Variants in HLF observed in about 807,000 individuals in gnomAD.
HLF encodes the protein HLF transcription factor, PAR bZIP family member.
Under a neutral mutation model 22.6 loss-of-function variants are expected in HLF, and 3 were observed. The ratio of observed to expected loss-of-function variants is 0.13; its 90% confidence interval spans 0.06 to 0.34. HLF has a LOEUF of 0.34. Among genes scored for constraint, HLF ranks in the 10% least tolerant of loss-of-function variants. The probability of loss-of-function intolerance (pLI) is 1.00; values close to 1 mark genes in which losing one functional copy is unlikely to be tolerated. For synonymous variants in HLF, 151 were observed against 151.8 expected, an observed-to-expected ratio of 0.99 and a Z score of 0.04; for missense variants, 299 against 389.2, an observed-to-expected ratio of 0.77 and a Z score of 1.95.
At chr17:55,267,020 C>A (rs561324669) in intron 1 of HLF, among the ~76,000 whole-genome samples, 53 of 152,208 alleles carry the variant, frequency 3.5e-4, no homozygotes, top group Non-Finnish European at 5.9e-4. Flanking sequence ...TTTTTAAACT[C>A]CTTTTGTAAA....
chr17:55,288,512 C>T lies in HLF; in HGVS notation c.451+20426C>T, dbSNP rs113272058. Among the ~76,000 whole-genome samples, 1,195 of 152,160 alleles carry T rather than the reference C, an allele frequency of 7.9e-3. 13 individuals carry two copies. Among genetic ancestry groups the T allele is most frequent in the African/African-American group, 0.024 (996 of 41,538 alleles). On this transcript the variant is annotated intron_variant, in intron 2 of 3. Coordinates refer to ENST00000226067, the MANE Select transcript of HLF (RefSeq NM_002126.5). Reference sequence around the variant, plus strand: ...ATGCCATGGCTCACGCCTATAATCCCGGCACTTTGGGAGGCCAAGGCAGGT... The same window carrying T: ...ATGCCATGGCTCACGCCTATAATCCTGGCACTTTGGGAGGCCAAGGCAGGT...
chr17:55,309,546 T>C (rs1172172939), intron 2 of HLF, among the ~76,000 whole-genome samples: 1 of 152,106 alleles, frequency 6.6e-6, no homozygotes, highest in Non-Finnish European at 1.5e-5. Flanking sequence ...GAACAGACCC[T>C]AAACTGGTGA....
At chr17:55,300,897 A>G (rs1598402764) in intron 2 of HLF, among the ~76,000 whole-genome samples, 1 of 151,722 alleles carries the variant, frequency 6.6e-6, no homozygotes, top group African/African-American at 2.4e-5. Flanking sequence ...AACATCTAAG[A>G]CCCTTCTGTG....
chr17:55,277,102 A>G (rs2080910358), intron 2 of HLF, among the ~76,000 whole-genome samples: 1 of 152,202 alleles, frequency 6.6e-6, no homozygotes, highest in African/African-American at 2.4e-5. Context: ...TAAAAGTCCA[A>G]AAGCAGGCCT....
chr17:55,293,072 A>G (rs920373184), intron 2 of HLF, among the ~76,000 whole-genome samples: 6 of 152,220 alleles, frequency 3.9e-5, no homozygotes, highest in African/African-American at 1.4e-4. Flanking sequence ...CAAGTGTTCA[A>G]TAGCTACAGT....
chr17:55,283,441 G>A (rs1014398475), intron 2 of HLF: 17 of 152,322 alleles, frequency 1.1e-4, no homozygotes, highest in African/African-American at 4.1e-4. Flanking sequence ...GGTGTTTGCT[G>A]TCCTGCCAGA....
At chr17:55,272,006 T>C (rs1368511169) in intron 2 of HLF, 1 of 152,240 alleles carries the variant, frequency 6.6e-6, no homozygotes. Context: ...TTGTGGCTAT[T>C]GTGGGATCAC....
chr17:55,320,735 G>A lies in HLF; in HGVS notation c.744G>A (p.Leu248=), dbSNP rs746458784. 3.1e-6 allele frequency: 5 copies of A among 1,614,082 alleles called. No homozygotes were observed. Among genetic ancestry groups the A allele is most frequent in the Admixed American group, 1.7e-5 (1 of 60,012 alleles). ...AAKRSRDARR[L]KENQIAIRAS... is the part of the protein sequence containing the mutation. The stretch of plus-strand genomic sequence containing the variant: ...AGCGCTCCCGCGACGCCCGGAGGCT[G>A]AAAGAGAACCAGATCGCCATCCGGG... The change falls in exon 4 of 4, where the codon CTG becomes CTA. Residue 248 remains leucine (L), a synonymous_variant. Transcript: ENST00000226067. The surrounding 1 kb of genome is among the most constrained non-coding windows in gnomAD (Gnocchi z 4.2).
intron 2 of HLF, among the ~76,000 whole-genome samples, chr17:55,297,620 G>T (rs2081121230): frequency 6.6e-6 from 1 of 151,130 alleles, no homozygotes. Context: ...GCCATGACTT[G>T]TCACCCTCTG....
At chr17:55,308,793 G>A (rs1431083221) in intron 2 of HLF, among the ~76,000 whole-genome samples, 1 of 152,282 alleles carries the variant, frequency 6.6e-6, no homozygotes, top group East Asian at 1.9e-4. Flanking sequence ...GAAACTCACC[G>A]TACACAAATA....
In HLF at chr17:55,306,613, T is replaced by C. The variant is rs1052355353; in HGVS notation, c.452-8614T>C. Among the ~76,000 whole-genome samples, 4 of 151,510 alleles carry C rather than the reference T, an allele frequency of 2.6e-5. 1 individual carries two copies. Among genetic ancestry groups the C allele is most frequent in the African/African-American group, 9.7e-5 (4 of 41,218 alleles). ...GTGTATGCATGATTTGTTTTTGCCT[T>C]AAAATTAGTACATCAACCGTGTAAT... On this transcript the variant is annotated intron_variant, in intron 2 of 3. Transcript: ENST00000226067.
rs1183871817 is a variant in HLF at position 55,320,860 on chromosome 17, C to T, written c.869C>T (p.Ala290Val). 6.2e-7 allele frequency: 1 copy of T among 1,612,260 alleles called. No homozygotes were observed. Among genetic ancestry groups the T allele is most frequent in the African/African-American group, 1.3e-5 (1 of 74,890 alleles). ...AAGAACATACTTGCCAAGTATGAGGCCAGGCACGGGCCCCTGTAGGATGGC... is the reference window on the plus strand; with the variant it reads ...AAGAACATACTTGCCAAGTATGAGGTCAGGCACGGGCCCCTGTAGGATGGC... ...KCKNILAKYE[A>V]RHGPL Residue 290 changes from alanine to valine, a missense_variant, in exon 4 of 4, where the codon GCC becomes GTC. Physicochemically the swap from Ala to Val is moderately conservative, Grantham distance 64. This residue lies in a region of HLF where 224 missense variants were observed against 298.1 expected (regional missense o/e 0.75). Transcript: ENST00000226067. This position sits in a 1 kb window ranked among gnomAD's most constrained non-coding sequence, Gnocchi z 4.2.
At chr17:55,317,368 A>G (rs1391848872) in intron 3 of HLF, among the ~76,000 whole-genome samples, 1 of 152,184 alleles carries the variant, frequency 6.6e-6, no homozygotes, top group African/African-American at 2.4e-5. Flanking sequence ...GGATGCTGCT[A>G]TGAGTGATAG....
chr17:55,268,611 A>G (rs1175773703), intron 2 of HLF, among the ~76,000 whole-genome samples: 1 of 151,880 alleles, frequency 6.6e-6, no homozygotes, highest in East Asian at 1.9e-4. Flanking sequence ...CATCCTTTTC[A>G]TCTTGTTTTG....
chr17:55,321,061 G>T lies in HLF; in HGVS notation c.*182G>T. 3 of 590,564 alleles carry T rather than the reference G, an allele frequency of 5.1e-6. No individual in the cohort carries two copies. The South Asian group carries it at 6.0e-5, about 12-fold the overall frequency. The allele number at this position is 590,564 out of a possible 1,614,324, so 36.6% of individuals were successfully genotyped here. A position where few individuals can be genotyped will look rare whatever the true frequency, so the allele number is the denominator to read the frequency against. ...TATATGTGCTTGTGCTCATGTGTGT[G>T]GTCAGCGGTATGTGCGTGTGCGTGT... is the stretch of plus-strand genomic sequence containing the variant. On this transcript the variant is annotated 3_prime_UTR_variant, in exon 4 of 4. Coordinates refer to ENST00000226067, the MANE Select transcript of HLF (RefSeq NM_002126.5).
At chr17:55,305,945 C>G (rs1904527791) in intron 2 of HLF, among the ~76,000 whole-genome samples, 1 of 152,214 alleles carries the variant, frequency 6.6e-6, no homozygotes, top group Non-Finnish European at 1.5e-5. Flanking sequence ...TTGTCTTAAG[C>G]TTTCTGTTTT....
intron 2 of HLF, among the ~76,000 whole-genome samples, chr17:55,277,742 A>G (rs2080918898): frequency 6.6e-6 from 1 of 152,152 alleles, no homozygotes; most frequent in Non-Finnish European, 1.5e-5. Context: ...GCCATAACCC[A>G]ATCTAGTTCA....
rs567759534 is a variant in HLF at position 55,321,191 on chromosome 17, C to G, written c.*312C>G. Reference sequence around the variant, plus strand: ...ACTGAGGAGCCCTCTCGCGGGTCTCCCATCCCCTCCCTCCTTCACTCCTGC... The same window carrying G: ...ACTGAGGAGCCCTCTCGCGGGTCTCGCATCCCCTCCCTCCTTCACTCCTGC... On this transcript the variant is annotated 3_prime_UTR_variant, in exon 4 of 4. Coordinates refer to ENST00000226067, the MANE Select transcript of HLF (RefSeq NM_002126.5). 3 of 313,998 alleles carry G rather than the reference C, an allele frequency of 9.6e-6. No homozygotes were observed. The highest frequency in any genetic ancestry group is 4.5e-5 in the Admixed American group (1 of 22,172). The allele number at this position is 313,998 out of a possible 1,614,324, so 19.5% of individuals were successfully genotyped here.
intron 2 of HLF, among the ~76,000 whole-genome samples, chr17:55,299,247 C>G (rs1336145874): frequency 6.6e-6 from 1 of 152,202 alleles, no homozygotes; most frequent in African/African-American, 2.4e-5. Flanking sequence ...TATTCTTTAG[C>G]ATACACTTCC....
Sources: allele counts gnomAD v4.1 joint callset (sites outside exome capture counted in the v4.1 genomes callset), GRCh38; gene constraint gnomAD v4.1.1; regional missense constraint gnomAD v4.1.1; non-coding constraint Gnocchi (gnomAD v3.1); transcripts MANE v1.5; gene names NCBI Gene and HGNC (gene_info 2026-07-23, HGNC 2026-07-21).